XXYLT1: variants seen among roughly 807,000 people sequenced by gnomAD.
The protein encoded by XXYLT1 is xyloside xylosyltransferase 1.
In XXYLT1, 20 loss-of-function variants were observed where a neutral mutation model predicts 28.9. The ratio of observed to expected loss-of-function variants is 0.69; its 90% CI spans 0.49 to 1.00. The LOEUF (loss-of-function observed/expected upper bound fraction) is 1.00, where lower values mean the gene tolerates loss of function less well. Among genes scored for constraint, XXYLT1 ranks in the 50% least tolerant of loss-of-function variants. The pLI is 0.00. For missense variants in XXYLT1, 542 were observed against 560.1 expected (o/e 0.97, Z 0.33); for synonymous variants, 257 against 253.8 (o/e 1.01, Z -0.12).
intron 3 of XXYLT1, among the ~76,000 whole-genome samples, chr3:195,102,837 G>T (rs1716867339): frequency 6.6e-6 from 1 of 152,186 alleles, no homozygotes; most frequent in Non-Finnish European, 1.5e-5. Flanking sequence ...CCAGAAGAAG[G>T]ACTGCTGAGT....
chr3:195,178,603 G>C (rs752872037), intron 2 of XXYLT1, among the ~76,000 whole-genome samples: 15 of 152,320 alleles, frequency 9.8e-5, no homozygotes, highest in Middle Eastern at 6.8e-3. Context: ...TTCACGCAGG[G>C]AGCTGAGAAT....
intron 3 of XXYLT1, among the ~76,000 whole-genome samples, chr3:195,107,264 G>A (rs147303317): frequency 0.028 from 4,187 of 151,598 alleles, 164 homozygotes; most frequent in African/African-American, 0.095. Flanking sequence ...ACCTGAGGTC[G>A]GGAGTTCGAG....
chr3:195,213,452 TG>T (rs1329468296), intron 2 of XXYLT1, among the ~76,000 whole-genome samples: 2 of 152,022 alleles, frequency 1.3e-5, no homozygotes, highest in Admixed American at 1.3e-4. Context: ...TTAGTAGAGA[TG>T]GGGTTTCTCC....
At chr3:195,221,848 G>A (rs1363343375) in intron 2 of XXYLT1, among the ~76,000 whole-genome samples, 4 of 152,174 alleles carry the variant, frequency 2.6e-5, no homozygotes, top group Admixed American at 6.5e-5. Context: ...AGCAGAGAGT[G>A]GCTGTGTCTG....
At chr3:195,189,018 A>T (rs2108749125) in intron 2 of XXYLT1, among the ~76,000 whole-genome samples, 1 of 152,238 alleles carries the variant, frequency 6.6e-6, no homozygotes, top group African/African-American at 2.4e-5. Context: ...AAAGAATAAG[A>T]ATACGCATAT....
At chr3:195,162,435 C>A (rs1720920583) in intron 2 of XXYLT1, among the ~76,000 whole-genome samples, 1 of 152,240 alleles carries the variant, frequency 6.6e-6, no homozygotes, top group African/African-American at 2.4e-5. Context: ...CTGTTAGCAG[C>A]TCTGGTAAAA....
intron 1 of XXYLT1, among the ~76,000 whole-genome samples, chr3:195,265,132 G>A (rs770353439): frequency 1.3e-5 from 2 of 152,010 alleles, no homozygotes; most frequent in Admixed American, 6.6e-5. Flanking sequence ...CACTTTGGGA[G>A]GCCAAGGCAG....
In XXYLT1 at chr3:195,168,681, G is replaced by C. The variant is rs1721249758; in HGVS notation, c.653-12100C>G. On this transcript the variant is annotated intron_variant, in intron 2 of 3. Transcript: ENST00000310380. This position sits in a 1 kb window ranked among gnomAD's most constrained non-coding sequence, Gnocchi z 4.3. ...CCCTCTCTTCTGCAACATTCCTCAT[G>C]ATCATTAAATATCACCATATGGAAA... Among the ~76,000 whole-genome samples, 1 of 152,150 alleles carries C rather than the reference G, an allele frequency of 6.6e-6. No homozygotes were observed. Among genetic ancestry groups the C allele is most frequent in the Non-Finnish European group, 1.5e-5 (1 of 68,020 alleles).
intron 1 of XXYLT1, among the ~76,000 whole-genome samples, chr3:195,253,431 T>TA (rs1473909694): frequency 6.6e-5 from 10 of 151,930 alleles, no homozygotes; most frequent in African/African-American, 2.4e-4. Context: ...GCATTTGCCT[T>TA]AAAATGTCTC....
At chr3:195,110,273 T>TGTGTGCGTGTGTGTGTA (rs1553803723) in intron 3 of XXYLT1, among the ~76,000 whole-genome samples, 1 of 6,770 alleles carries the variant, frequency 1.5e-4, no homozygotes, top group African/African-American at 6.8e-4. Flanking sequence ...GGGTGTGTGG[T>TGTGTGCGTGTGTGTGTA]GTGTGTGGGG....
At chr3:195,202,044 G>A (rs868650642) in intron 2 of XXYLT1, among the ~76,000 whole-genome samples, 2 of 151,364 alleles carry the variant, frequency 1.3e-5, no homozygotes, top group Non-Finnish European at 3.0e-5. Flanking sequence ...AGGTGTGGTG[G>A]TGTGCACCTG....
chr3:195,146,107 C>T (rs370346500), intron 3 of XXYLT1, among the ~76,000 whole-genome samples: 3 of 152,206 alleles, frequency 2.0e-5, no homozygotes, highest in Non-Finnish European at 4.4e-5. Context: ...CACTTAGGAA[C>T]CCACAGAAGA....
At chr3:195,089,097 A>G (rs996507367) in intron 3 of XXYLT1, among the ~76,000 whole-genome samples, 31 of 150,748 alleles carry the variant, frequency 2.1e-4, no homozygotes, top group Non-Finnish European at 3.9e-4. Flanking sequence ...GTTGGAAAAC[A>G]CTCTGCAGGA....
At chr3:195,270,492 A>AGC (rs1560185655) in intron 1 of XXYLT1, 63 bp downstream of exon 1, 1 of 1,347,380 alleles carries the variant, frequency 7.4e-7, no homozygotes. Context: ...CGGGAGCGCA[A>AGC]ACTGACCTCG....
chr3:195,235,573 G>C (rs1724500325), intron 1 of XXYLT1, among the ~76,000 whole-genome samples: 1 of 152,170 alleles, frequency 6.6e-6, no homozygotes, highest in Non-Finnish European at 1.5e-5. Context: ...CTTGATGCTA[G>C]TGGATGTTTG....
At chr3:195,166,744 C>T (rs1447373517) in intron 2 of XXYLT1, among the ~76,000 whole-genome samples, 2 of 151,992 alleles carry the variant, frequency 1.3e-5, no homozygotes, top group Non-Finnish European at 2.9e-5. Context: ...TACAATGGCA[C>T]GATCTCAGCT....
chr3:195,165,214 G>A (rs1480948856), intron 2 of XXYLT1, among the ~76,000 whole-genome samples: 3 of 152,160 alleles, frequency 2.0e-5, no homozygotes, highest in Non-Finnish European at 4.4e-5. Context: ...TCCCCCAGCA[G>A]ACTCATTCTT....
intron 3 of XXYLT1, among the ~76,000 whole-genome samples, chr3:195,149,381 A>G (rs1720058473): frequency 6.6e-6 from 1 of 152,228 alleles, no homozygotes; most frequent in Non-Finnish European, 1.5e-5. Context: ...CTTGAAAATG[A>G]GATAAACATC....
At chr3:195,235,921 CATAG>C (rs1560167449) in intron 1 of XXYLT1, among the ~76,000 whole-genome samples, 22 of 147,430 alleles carry the variant, frequency 1.5e-4, no homozygotes, top group Admixed American at 4.0e-4. Context: ...TAGACATAGA[CATAG>C]ACATAGACAT....
Sources: gnomAD v4.1 joint callset for allele counts (sites outside exome capture counted in the v4.1 genomes callset) on GRCh38, gnomAD v4.1.1 for gene constraint, Gnocchi (gnomAD v3.1) non-coding constraint, MANE v1.5 for transcripts, NCBI Gene and HGNC (gene_info 2026-07-23, HGNC 2026-07-21) for gene names.